CADM2: variants seen among roughly 807,000 people sequenced by gnomAD.
The protein encoded by CADM2 is cell adhesion molecule 2, also known as immunoglobulin superfamily member 4D.
A neutral mutation model predicts 49.8 loss-of-function variants in CADM2; 12 were observed. The observed-to-expected ratio is 0.24, with a 90% CI of 0.15 to 0.39. The LOEUF (loss-of-function observed/expected upper bound fraction) is 0.39. Among genes scored for constraint, CADM2 ranks in the 10% least tolerant of loss-of-function variants. The probability of loss-of-function intolerance (pLI) is 1.00; values close to 1 mark genes in which losing one functional copy is unlikely to be tolerated. For synonymous variants in CADM2, 214 were observed against 175.4 expected, an observed-to-expected ratio of 1.22 and a Z score of -1.74; for missense variants, 378 against 492.3, an observed-to-expected ratio of 0.77 and a Z score of 2.20.
chr3:85,093,764 A>T (rs1474709885), intron 1 of CADM2, among the ~76,000 whole-genome samples: 1 of 152,120 alleles, frequency 6.6e-6, no homozygotes, highest in African/African-American at 2.4e-5. Flanking sequence ...GTACTCTAAG[A>T]GAGGGAAAGT....
At chr3:85,406,266 A>T (rs2035371268) in intron 1 of CADM2, among the ~76,000 whole-genome samples, 1 of 152,134 alleles carries the variant, frequency 6.6e-6, no homozygotes, top group Admixed American at 6.6e-5. Context: ...GAGAAGAGAT[A>T]ATACCAGGAA....
chr3:85,445,350 T>C (rs2037397156), intron 1 of CADM2, among the ~76,000 whole-genome samples: 1 of 152,164 alleles, frequency 6.6e-6, no homozygotes, highest in South Asian at 2.1e-4. Flanking sequence ...TTAAGTTGTA[T>C]AAATTGTGCC....
At chr3:85,365,182 G>GTTTTTTTTTTTTTTTTTTTTTTTTTT (rs757075256) in intron 1 of CADM2, among the ~76,000 whole-genome samples, 1 of 100,584 alleles carries the variant, frequency 9.9e-6, no homozygotes. Flanking sequence ...AATTGGGAGG[G>GTTTTTTTTTTTTTTTTTTTTTTTTTT]TTTTTTTTTT....
chr3:85,632,697 C>T (rs1374767498), intron 1 of CADM2, among the ~76,000 whole-genome samples: 1 of 151,946 alleles, frequency 6.6e-6, no homozygotes, highest in African/African-American at 2.4e-5. Flanking sequence ...CATTGTGGTG[C>T]ACTTTTGTGG....
intron 1 of CADM2, among the ~76,000 whole-genome samples, chr3:85,191,785 G>C (rs1409998467): frequency 6.6e-6 from 1 of 152,048 alleles, no homozygotes; most frequent in East Asian, 1.9e-4. Context: ...GATCTAATTT[G>C]TTCAAATACC....
In CADM2 at chr3:86,072,174, A is replaced by T. The variant is rs1172545726; in HGVS notation, c.*5391A>T. 2.0e-5 allele frequency: 3 copies of T among 151,846 alleles called. No homozygotes were observed. In the East Asian group the frequency reaches 5.8e-4, roughly 29 times the overall value. The allele number at this position is 151,846 out of a possible 1,614,324, so 9.4% of individuals were successfully genotyped here. A position where few individuals can be genotyped will look rare whatever the true frequency, so the allele number is the denominator to read the frequency against. ...TCTGTAGGAAAAAATAAAAACATGA[A>T]TATCTCAAATTATAATGGTTAATCT... On this transcript the variant is annotated 3_prime_UTR_variant, in exon 10 of 10. Transcript: ENST00000383699.
chr3:85,641,701 C>T (rs2064719647), intron 1 of CADM2, among the ~76,000 whole-genome samples: 2 of 151,516 alleles, frequency 1.3e-5, no homozygotes, highest in Admixed American at 1.3e-4. Context: ...CTGAGGCCGG[C>T]AGATCACGAG....
At chr3:85,942,887 C>G (rs1722126439) in intron 7 of CADM2, among the ~76,000 whole-genome samples, 1 of 152,018 alleles carries the variant, frequency 6.6e-6, no homozygotes, top group South Asian at 2.1e-4. Flanking sequence ...ATTTCCAGTT[C>G]TAGATCCCTG....
At chr3:85,155,407 G>A (rs952953852) in intron 1 of CADM2, among the ~76,000 whole-genome samples, 1 of 151,948 alleles carries the variant, frequency 6.6e-6, no homozygotes, top group Non-Finnish European at 1.5e-5. Context: ...AACTATATAT[G>A]CACCCAATAC....
intron 6 of CADM2, among the ~76,000 whole-genome samples, chr3:85,915,055 C>A (rs2108488070): frequency 6.6e-6 from 1 of 152,222 alleles, no homozygotes; most frequent in Admixed American, 6.5e-5. Context: ...GATTACTCTA[C>A]ACATTCTGGA....
chr3:85,889,452 G>GT (rs2108411487), intron 5 of CADM2, among the ~76,000 whole-genome samples: 1 of 152,282 alleles, frequency 6.6e-6, no homozygotes, highest in African/African-American at 2.4e-5. Context: ...AAATGTGCGT[G>GT]TTTGCCATTG....
At chr3:85,707,967 A>C (rs1335673006) in intron 1 of CADM2, among the ~76,000 whole-genome samples, 4 of 152,176 alleles carry the variant, frequency 2.6e-5, no homozygotes, top group Non-Finnish European at 5.9e-5. Context: ...AAGTCAGGAA[A>C]ATAAACTCTT....
At chr3:85,768,188 T>C (rs1019130065) in intron 2 of CADM2, among the ~76,000 whole-genome samples, 7 of 152,226 alleles carry the variant, frequency 4.6e-5, no homozygotes, top group African/African-American at 1.7e-4. Flanking sequence ...GGCTCACGCC[T>C]GTAATCCCAG....
chr3:85,753,982 A>T (rs986349596), intron 2 of CADM2, among the ~76,000 whole-genome samples: 9 of 152,218 alleles, frequency 5.9e-5, no homozygotes, highest in African/African-American at 2.2e-4. Flanking sequence ...GCGTTCTTGC[A>T]GGGTCTGATT....
At chr3:85,680,867 C>G (rs1415684938) in intron 1 of CADM2, among the ~76,000 whole-genome samples, 3 of 152,130 alleles carry the variant, frequency 2.0e-5, no homozygotes, top group Non-Finnish European at 4.4e-5. Flanking sequence ...TTCCTTTGCT[C>G]TCTTGCCACC....
intron 1 of CADM2, among the ~76,000 whole-genome samples, chr3:85,059,249 T>A (rs1403935743): frequency 6.7e-6 from 1 of 149,468 alleles, no homozygotes; most frequent in African/African-American, 2.5e-5. Context: ...AAAAAATAAA[T>A]AAATAAAAGT....
At chr3:85,913,823 G>A (rs373304886) in intron 6 of CADM2, among the ~76,000 whole-genome samples, 2 of 152,274 alleles carry the variant, frequency 1.3e-5, no homozygotes, top group Admixed American at 1.3e-4. Context: ...GGGCAGTAAG[G>A]AGACTGAAAT....
At chr3:85,123,789 T>A (rs1244314649) in intron 1 of CADM2, among the ~76,000 whole-genome samples, 1 of 152,206 alleles carries the variant, frequency 6.6e-6, no homozygotes, top group Non-Finnish European at 1.5e-5. Flanking sequence ...TCTTATAAGG[T>A]TACTCAAAGC....
chr3:85,689,428 A>C (rs1017943538), intron 1 of CADM2, among the ~76,000 whole-genome samples: 2 of 152,214 alleles, frequency 1.3e-5, no homozygotes, highest in African/African-American at 4.8e-5. Context: ...GAAACATTTG[A>C]TATTTTATAA....
Sources: gnomAD v4.1 joint callset for allele counts (sites outside exome capture counted in the v4.1 genomes callset) on GRCh38, gnomAD v4.1.1 for gene constraint, MANE v1.5 for transcripts, NCBI Gene and HGNC (gene_info 2026-07-23, HGNC 2026-07-21) for gene names.